Variants in PIK3AP1 observed in about 807,000 individuals in gnomAD.
PIK3AP1 encodes the protein phosphoinositide-3-kinase adaptor protein 1.
A neutral mutation model predicts 88.1 loss-of-function variants in PIK3AP1; 21 were observed. The observed-to-expected ratio is 0.24, with a 90% CI of 0.17 to 0.34. The LOEUF is 0.34. Ranked by LOEUF, PIK3AP1 falls within the 10% of genes least tolerant of loss-of-function variation. The pLI, the probability that PIK3AP1 is intolerant of heterozygous loss-of-function variation, is 1.00. For missense variants in PIK3AP1, 828 were observed against 1,035.7 expected, an observed-to-expected ratio of 0.80 and a Z score of 2.75; for synonymous variants, 398 against 400.0, an observed-to-expected ratio of 1.00 and a Z score of 0.06.
At chr10:96,658,483 C>T (rs1284811313) in intron 2 of PIK3AP1, among the ~76,000 whole-genome samples, 2 of 152,122 alleles carry the variant, frequency 1.3e-5, no homozygotes, top group Admixed American at 6.6e-5. Flanking sequence ...GGGGGCAGGG[C>T]TACAGGGCCT....
At chr10:96,648,926 T>C in intron 6 of PIK3AP1, 71 bp from the exon 7 acceptor site, 1 of 1,334,908 alleles carries the variant, frequency 7.5e-7, no homozygotes. Context: ...TTCATGGAGA[T>C]GAAGCTGCCA....
At chr10:96,623,253 G>C (rs1211961537) in intron 11 of PIK3AP1, among the ~76,000 whole-genome samples, 1 of 151,838 alleles carries the variant, frequency 6.6e-6, no homozygotes, top group Non-Finnish European at 1.5e-5. Context: ...TTTAGAGACA[G>C]GGTCTCACTA....
At chr10:96,681,100 G>C (rs1843993339) in intron 2 of PIK3AP1, among the ~76,000 whole-genome samples, 1 of 152,136 alleles carries the variant, frequency 6.6e-6, no homozygotes, top group African/African-American at 2.4e-5. Flanking sequence ...TGTCAGCAGG[G>C]TTGTTTTTTT....
intron 2 of PIK3AP1, among the ~76,000 whole-genome samples, chr10:96,678,312 G>C (rs1435820253): frequency 6.6e-6 from 1 of 152,044 alleles, no homozygotes; most frequent in African/African-American, 2.4e-5. Context: ...GCACACACCT[G>C]TAGTTCCAGC....
At chr10:96,620,290 G>A (rs1843057992) in intron 12 of PIK3AP1, 62 bp downstream of exon 12, 1 of 1,540,558 alleles carries the variant, frequency 6.5e-7, no homozygotes, top group Non-Finnish European at 8.9e-7. Context: ...CCATGGCCCA[G>A]CCCTCCTCTA....
At chr10:96,600,704 T>C (rs1018055675) in intron 16 of PIK3AP1, among the ~76,000 whole-genome samples, 2 of 152,238 alleles carry the variant, frequency 1.3e-5, no homozygotes, top group Non-Finnish European at 2.9e-5. Context: ...TGTTGCACTT[T>C]CTCAACAAAT....
chr10:96,668,661 A>T (rs1322502229), intron 2 of PIK3AP1, among the ~76,000 whole-genome samples: 1 of 152,212 alleles, frequency 6.6e-6, no homozygotes, highest in East Asian at 1.9e-4. Context: ...GGGACAAAGT[A>T]GGGGGGTATC....
At chr10:96,613,084 C>T (rs377482220) in intron 13 of PIK3AP1, among the ~76,000 whole-genome samples, 7 of 146,590 alleles carry the variant, frequency 4.8e-5, no homozygotes, top group African/African-American at 1.5e-4. Flanking sequence ...CTGCAGCCTC[C>T]GCCTCCCAGG....
chr10:96,661,762 G>A (rs564965600), intron 2 of PIK3AP1, among the ~76,000 whole-genome samples: 17 of 151,604 alleles, frequency 1.1e-4, no homozygotes, highest in Non-Finnish European at 2.2e-4. Context: ...GGGAGACAGA[G>A]CGAGACACTG....
At chr10:96,669,554 G>GCTCATACCTGTAAT (rs1843813199) in intron 2 of PIK3AP1, 1 of 152,238 alleles carries the variant, frequency 6.6e-6, no homozygotes, top group Non-Finnish European at 1.5e-5. Context: ...GCTTTGGGAA[G>GCTCATACCTGTAAT]CCGAGTCGGG....
chr10:96,710,157 C>T (rs1159655886), intron 1 of PIK3AP1, among the ~76,000 whole-genome samples, 174 bp from the exon 2 acceptor site: 1 of 152,160 alleles, frequency 6.6e-6, no homozygotes, highest in East Asian at 1.9e-4. Flanking sequence ...CATTTACAGT[C>T]TGTGTTCCAA....
intron 13 of PIK3AP1, among the ~76,000 whole-genome samples, chr10:96,612,081 C>T (rs1003594009): frequency 6.6e-6 from 1 of 152,098 alleles, no homozygotes; most frequent in Non-Finnish European, 1.5e-5. Flanking sequence ...CAGGTTATAG[C>T]CCCCAGTGAG....
intron 3 of PIK3AP1, among the ~76,000 whole-genome samples, chr10:96,653,653 A>G (rs1310564268): frequency 6.6e-6 from 1 of 151,668 alleles, no homozygotes; most frequent in African/African-American, 2.4e-5. Context: ...ACACCCGGCA[A>G]ATTTTTCTCT....
At chr10:96,640,922 C>G (rs1843377528) in intron 8 of PIK3AP1, among the ~76,000 whole-genome samples, 1 of 152,158 alleles carries the variant, frequency 6.6e-6, no homozygotes, top group Non-Finnish European at 1.5e-5. Flanking sequence ...CTCAGCCTCC[C>G]TAAATGCTGG....
intron 2 of PIK3AP1, among the ~76,000 whole-genome samples, chr10:96,680,270 T>C (rs760689086): frequency 6.6e-6 from 1 of 152,214 alleles, no homozygotes; most frequent in Non-Finnish European, 1.5e-5. Context: ...AGCTTAATAC[T>C]GTGGTAGCTT....
At chr10:96,670,173 A>AG (rs1426922528) in intron 2 of PIK3AP1, among the ~76,000 whole-genome samples, 45 of 141,732 alleles carry the variant, frequency 3.2e-4, no homozygotes, top group Non-Finnish European at 5.3e-4. Flanking sequence ...AAAAAAAAAA[A>AG]AGAGAGAGAG....
At chr10:96,670,845 G>A (rs11815543) in intron 2 of PIK3AP1, among the ~76,000 whole-genome samples, 58,024 of 152,022 alleles carry the variant, frequency 0.38, 11,277 homozygotes, top group Middle Eastern at 0.47. Flanking sequence ...CTGAGAACAC[G>A]AGTGCCTGAC....
At chr10:96,663,268 G>C (rs140509588) in intron 2 of PIK3AP1, among the ~76,000 whole-genome samples, 33 of 151,884 alleles carry the variant, frequency 2.2e-4, no homozygotes, top group African/African-American at 7.3e-4. Flanking sequence ...GTGAATATAC[G>C]AAAAAAACAT....
intron 13 of PIK3AP1, among the ~76,000 whole-genome samples, chr10:96,612,938 T>C (rs1196795987): frequency 2.7e-5 from 1 of 37,448 alleles, no homozygotes; most frequent in Non-Finnish European, 4.8e-5. Context: ...TGCCACTGAA[T>C]TGTGTGTGTG....
Sources: allele counts gnomAD v4.1 joint callset (sites outside exome capture counted in the v4.1 genomes callset), GRCh38; gene constraint gnomAD v4.1.1; transcripts MANE v1.5; gene names NCBI Gene and HGNC (gene_info 2026-07-23, HGNC 2026-07-21).